KLHL8: variants seen among roughly 807,000 people sequenced by gnomAD.
KLHL8 encodes the protein kelch-like protein 8.
A neutral mutation model predicts 63.5 loss-of-function variants in KLHL8; 38 were observed. The ratio of observed to expected loss-of-function variants is 0.60; its 90% confidence interval spans 0.46 to 0.78. KLHL8 has a LOEUF of 0.78. Ranked by LOEUF, KLHL8 falls within the 30% of genes least tolerant of loss-of-function variation. The pLI, the probability that KLHL8 is intolerant of heterozygous loss-of-function variation, is 0.00. For synonymous variants in KLHL8, 224 were observed against 254.3 expected (o/e 0.88, Z 1.13); for missense variants, 566 against 752.4 (o/e 0.75, Z 2.90).
At chr4:87,165,017 C>T (rs986262238) in intron 8 of KLHL8, among the ~76,000 whole-genome samples, 36 of 151,666 alleles carry the variant, frequency 2.4e-4, no homozygotes, top group Admixed American at 1.1e-3. Flanking sequence ...GGCATGGTGG[C>T]GGGCGCCTGT....
intron 8 of KLHL8, among the ~76,000 whole-genome samples, chr4:87,168,245 TG>T (rs1730481501): frequency 2.0e-5 from 3 of 152,160 alleles, no homozygotes; most frequent in Non-Finnish European, 2.9e-5. Flanking sequence ...TATACTCCCT[TG>T]ATCTTTCAAG....
At chr4:87,223,151 T>TTTGTTTTGTTTTGTTTTGTA (rs1350103127), upstream of KLHL8, among the ~76,000 whole-genome samples, 1 of 151,324 alleles carries the variant, frequency 6.6e-6, no homozygotes, top group Admixed American at 6.6e-5. Flanking sequence ...TTTGTTTTGT[T>TTTGTTTTGTTTTGTTTTGTA]TTGTAGAGAT....
intron 1 of KLHL8, among the ~76,000 whole-genome samples, chr4:87,226,927 T>A (rs1462488319): frequency 2.6e-5 from 1 of 38,410 alleles, no homozygotes; most frequent in South Asian, 6.6e-4. Context: ...AATATATATA[T>A]TATATATAAA....
intron 2 of KLHL8, among the ~76,000 whole-genome samples, chr4:87,192,659 C>T (rs1268828817): frequency 6.6e-6 from 1 of 152,136 alleles, no homozygotes; most frequent in African/African-American, 2.4e-5. Flanking sequence ...GATGGGGATA[C>T]ATTCTGAGAA....
chr4:87,214,720 C>A (rs1430114272), intron 1 of KLHL8, among the ~76,000 whole-genome samples: 1 of 151,760 alleles, frequency 6.6e-6, no homozygotes, highest in African/African-American at 2.4e-5. Flanking sequence ...GTGTAAATGA[C>A]AATGAGAACC....
intron 4 of KLHL8, 111 bp from the exon 5 acceptor site, chr4:87,178,731 G>C: frequency 1.5e-5 from 15 of 1,010,908 alleles, no homozygotes; most frequent in Non-Finnish European, 2.1e-5. Flanking sequence ...TATTTGGATA[G>C]TATTCAATGT....
intron 1 of KLHL8, among the ~76,000 whole-genome samples, chr4:87,234,809 C>T (rs926363816): frequency 1.3e-5 from 2 of 152,080 alleles, no homozygotes; most frequent in South Asian, 2.1e-4. Flanking sequence ...GTTATTGCCC[C>T]GGAAGACTTT....
chr4:87,170,138 ATT>A lies in KLHL8; in HGVS notation c.1476_1477del (p.Glu492AspfsTer11). 3.1e-6 allele frequency: 5 copies of A among 1,614,130 alleles called. No individual in the cohort carries two copies. Among genetic ancestry groups the A allele is most frequent in the Non-Finnish European group, 4.2e-6 (5 of 1,180,006 alleles). On this transcript the variant is annotated frameshift_variant, in exon 8 of 10. Coordinates refer to ENST00000273963, the MANE Select transcript of KLHL8 (RefSeq NM_020803.5). LOFTEE classifies it high-confidence loss of function. Reference sequence around the variant, plus strand: ...TCCATTGCCTGCTCTTCGCTGACCCATTTCTTTAACTTCTATCCACTTATCCA... The same window carrying A: ...TCCATTGCCTGCTCTTCGCTGACCCATCTTTAACTTCTATCCACTTATCCA...
intron 4 of KLHL8, among the ~76,000 whole-genome samples, chr4:87,182,381 T>C (rs1731089321): frequency 6.6e-6 from 1 of 152,016 alleles, no homozygotes; most frequent in Non-Finnish European, 1.5e-5. Context: ...CTAGATAAAA[T>C]CTCATTCTAC....
intron 4 of KLHL8, among the ~76,000 whole-genome samples, chr4:87,182,362 T>C (rs1731088708): frequency 6.6e-6 from 1 of 152,154 alleles, no homozygotes; most frequent in Admixed American, 6.5e-5. Context: ...CAGCATTTCT[T>C]TGTATTACCT....
chr4:87,179,211 C>A (rs1183979891), intron 4 of KLHL8, among the ~76,000 whole-genome samples: 1 of 152,138 alleles, frequency 6.6e-6, no homozygotes, highest in Non-Finnish European at 1.5e-5. Context: ...AAAAGGATCT[C>A]CCCTTCTTGC....
intron 1 of KLHL8, among the ~76,000 whole-genome samples, chr4:87,214,146 T>C: frequency 6.6e-6 from 1 of 151,728 alleles, no homozygotes; most frequent in South Asian, 2.1e-4. Flanking sequence ...TGCTTTATAA[T>C]GCTCTACATG....
intron 1 of KLHL8, among the ~76,000 whole-genome samples, chr4:87,226,703 ATATAATATATATTATT>A (rs1732995900): frequency 1.4e-4 from 2 of 14,626 alleles, no homozygotes; most frequent in Non-Finnish European, 2.1e-4. Context: ...TATTATTTAT[ATATAATATATATTATT>A]TATATATAAT....
rs114036635 is a variant in KLHL8, at chr4:87,171,177, C to A, written c.1209-562G>T. ...TGTTAAAAGCTGATTTAACAGTGAT[C>A]AAAAAAAAAACTCAATTTCTTAAAA... On this transcript the variant is annotated intron_variant, in intron 6 of 9. Coordinates refer to ENST00000273963, the MANE Select transcript of KLHL8 (RefSeq NM_020803.5). Among the ~76,000 whole-genome samples, 1,057 of 147,580 alleles carry A rather than the reference C, an allele frequency of 7.2e-3. 10 individuals are homozygous for A. Among genetic ancestry groups the A allele is most frequent in the African/African-American group, 0.025 (1,005 of 40,490 alleles).
At chr4:87,229,440 G>C (rs763601054) in intron 1 of KLHL8, among the ~76,000 whole-genome samples, 994 of 19,370 alleles carry the variant, frequency 0.051, 9 homozygotes, top group Middle Eastern at 0.15. Flanking sequence ...TTTTTTGGTG[G>C]GGGGGGGTGC....
chr4:87,164,109 T>C (rs1321540652), intron 8 of KLHL8, 30 bp from the exon 9 acceptor site: 2 of 1,540,012 alleles, frequency 1.3e-6, no homozygotes, highest in South Asian at 1.1e-5. Context: ...AAAAACAGCA[T>C]TACATTCCTT....
At chr4:87,178,867 T>C (rs1267467663) in intron 4 of KLHL8, among the ~76,000 whole-genome samples, 1 of 152,168 alleles carries the variant, frequency 6.6e-6, no homozygotes, top group East Asian at 1.9e-4. Flanking sequence ...CCTTCTAAAA[T>C]TACTCTTCCT....
chr4:87,198,886 C>T (rs552804572), intron 1 of KLHL8, among the ~76,000 whole-genome samples: 8 of 152,304 alleles, frequency 5.3e-5, no homozygotes, highest in African/African-American at 1.9e-4. Flanking sequence ...CCTAAATGTC[C>T]TTAGACAATG....
At chr4:87,200,866 C>A (rs1007991796) in intron 1 of KLHL8, among the ~76,000 whole-genome samples, 1 of 152,122 alleles carries the variant, frequency 6.6e-6, no homozygotes, top group Non-Finnish European at 1.5e-5. Context: ...TTATTTACAA[C>A]AACCAAGAGG....
Sources: allele counts gnomAD v4.1 joint callset (sites outside exome capture counted in the v4.1 genomes callset), GRCh38; gene constraint gnomAD v4.1.1; transcripts MANE v1.5; gene names NCBI Gene and HGNC (gene_info 2026-07-23, HGNC 2026-07-21).